Variants in ASTN1 observed in about 807,000 individuals in gnomAD.
The protein encoded by ASTN1 is astrotactin-1.
ASTN1 carries 41 observed loss-of-function variants against 140.7 expected under a neutral mutation model. That is an observed-to-expected ratio of 0.29 (90% CI 0.23 to 0.38). The LOEUF (loss-of-function observed/expected upper bound fraction) is 0.38, where lower values mean the gene tolerates loss of function less well. Ranked by LOEUF, ASTN1 falls within the 10% of genes least tolerant of loss-of-function variation. The probability of loss-of-function intolerance (pLI) is 1.00; values close to 1 mark genes in which losing one functional copy is unlikely to be tolerated. For missense variants in ASTN1, 1,479 were observed against 1,678.8 expected, an observed-to-expected ratio of 0.88 and a Z score of 2.08; for synonymous variants, 640 against 652.2, an observed-to-expected ratio of 0.98 and a Z score of 0.29.
At chr1:177,063,237 A>G (rs1454539905) in intron 1 of ASTN1, among the ~76,000 whole-genome samples, 1 of 152,308 alleles carries the variant, frequency 6.6e-6, no homozygotes, top group Admixed American at 6.5e-5. Flanking sequence ...CTACCATCCC[A>G]CAGATGAGGG....
chr1:177,030,083 G>A (rs1676349151), intron 4 of ASTN1, among the ~76,000 whole-genome samples: 2 of 152,156 alleles, frequency 1.3e-5, no homozygotes, highest in African/African-American at 4.8e-5. Context: ...GTTAATATGA[G>A]ACTATCTAAG....
chr1:177,086,912 C>T (rs1000210567), intron 1 of ASTN1, among the ~76,000 whole-genome samples: 1 of 152,146 alleles, frequency 6.6e-6, no homozygotes, highest in Admixed American at 6.5e-5. Context: ...AACTAATATG[C>T]ATACTTTGGG....
intron 1 of ASTN1, among the ~76,000 whole-genome samples, chr1:177,083,556 G>A (rs1294940705): frequency 6.6e-6 from 1 of 152,066 alleles, no homozygotes. Flanking sequence ...GCAGCAACTG[G>A]GGCTTTCCCT....
intron 9 of ASTN1, 62 bp downstream of exon 9, chr1:176,965,101 C>CG: frequency 1.3e-6 from 2 of 1,499,738 alleles, no homozygotes; most frequent in Non-Finnish European, 1.9e-6. Flanking sequence ...AAAGTCAGTT[C>CG]GGGGGAAGCG....
At chr1:176,986,271 G>A (rs1215598731) in intron 8 of ASTN1, among the ~76,000 whole-genome samples, 2 of 152,136 alleles carry the variant, frequency 1.3e-5, no homozygotes, top group African/African-American at 4.8e-5. Flanking sequence ...CTCCAGAGGT[G>A]GGAATAAGAA....
chr1:176,876,615 T>C lies in ASTN1; in HGVS notation c.3385A>G (p.Asn1129Asp). The change falls in exon 21 of 23, where the codon AAC (asparagine) becomes GAC (aspartate). Residue 1129 changes from asparagine (N) to aspartate (D), a missense_variant. Asn to Asp is a conservative substitution (Grantham distance 23). Transcript: ENST00000361833. The stretch of plus-strand genomic sequence containing the variant: ...CTTGGCCTGGAGCGCCGTCCTGTGT[T>C]GTCCACTCCCCACAGCGTGAACCTG... ...IYMFTLWGVD[N>D]TGRRSRPSDV... 6.2e-7 allele frequency: 1 copy of C among 1,614,120 alleles called. No individual in the cohort carries two copies. The highest frequency in any genetic ancestry group is 2.2e-5 in the East Asian group (1 of 44,858).
At chr1:177,036,144 AG>A (rs1258857986) in intron 2 of ASTN1, among the ~76,000 whole-genome samples, 1 of 139,160 alleles carries the variant, frequency 7.2e-6, no homozygotes, top group Non-Finnish European at 1.5e-5. Flanking sequence ...TCCACCTCCC[AG>A]GTTCAAGCAA....
chr1:177,124,339 C>T (rs907481300), intron 1 of ASTN1, among the ~76,000 whole-genome samples: 12 of 152,176 alleles, frequency 7.9e-5, no homozygotes, highest in African/African-American at 2.9e-4. Flanking sequence ...TGATAGAGTT[C>T]AGTAGCGCAT....
chr1:177,043,044 A>G (rs1677053123), intron 2 of ASTN1, among the ~76,000 whole-genome samples: 1 of 152,252 alleles, frequency 6.6e-6, no homozygotes, highest in African/African-American at 2.4e-5. Context: ...AAGGAGGGTC[A>G]CACTTGTCAG....
intron 16 of ASTN1, among the ~76,000 whole-genome samples, chr1:176,920,382 C>T (rs1670675734): frequency 1.3e-5 from 2 of 152,090 alleles, no homozygotes; most frequent in African/African-American, 4.8e-5. Context: ...GGGAGTGGTC[C>T]AGGCATCCCA....
chr1:176,926,893 G>T (rs865774430), intron 16 of ASTN1, among the ~76,000 whole-genome samples: 5 of 152,182 alleles, frequency 3.3e-5, no homozygotes, highest in Admixed American at 2.6e-4. Context: ...TAGGCTGTCC[G>T]CATTCACAGA....
chr1:177,023,615 G>A, intron 6 of ASTN1, 44 bp from the exon 7 acceptor site: 1 of 1,495,974 alleles, frequency 6.7e-7, no homozygotes, highest in Non-Finnish European at 8.9e-7. Context: ...GTGCAACACA[G>A]CACACGTCCA....
chr1:176,897,100 C>T (rs938567347), intron 16 of ASTN1, among the ~76,000 whole-genome samples: 8 of 152,000 alleles, frequency 5.3e-5, no homozygotes, highest in African/African-American at 1.9e-4. Flanking sequence ...CATGGTGAAA[C>T]CCCGTCTCTA....
rs189412290 is a variant in ASTN1 at position 177,055,797 on chromosome 1, T to C, written c.471+5281A>G. Among the ~76,000 whole-genome samples the C allele has an allele frequency of 3.1e-3, 465 of 152,300 alleles. 7 individuals are homozygous for C. Among genetic ancestry groups the C allele is most frequent in the African/African-American group, 9.8e-3 (407 of 41,564 alleles). On this transcript the variant is annotated intron_variant, in intron 2 of 22. Transcript: ENST00000361833. Reference sequence around the variant, plus strand: ...AGCATCCTAAGTTGAATGAAAAAAATACTACAAATTGACCATAAAGATGCA... The same window carrying C: ...AGCATCCTAAGTTGAATGAAAAAAACACTACAAATTGACCATAAAGATGCA...
intron 16 of ASTN1, among the ~76,000 whole-genome samples, chr1:176,916,974 T>G (rs764769674): frequency 3.3e-5 from 5 of 152,068 alleles, no homozygotes; most frequent in Non-Finnish European, 7.4e-5. Context: ...GGACAGCACT[T>G]TCTCACAACC....
At chr1:176,865,316 CT>C (rs1468760262) in intron 22 of ASTN1, among the ~76,000 whole-genome samples, 2 of 152,160 alleles carry the variant, frequency 1.3e-5, no homozygotes, top group African/African-American at 2.4e-5. Context: ...AGTGAACCCC[CT>C]GGGCCAGAGT....
chr1:176,953,033 A>C (rs1418337963), intron 11 of ASTN1, among the ~76,000 whole-genome samples: 1 of 152,228 alleles, frequency 6.6e-6, no homozygotes, highest in Non-Finnish European at 1.5e-5. Flanking sequence ...CACAAGGTTA[A>C]TCACCTTTCG....
intron 14 of ASTN1, among the ~76,000 whole-genome samples, chr1:176,937,835 C>T (rs1210382630): frequency 1.3e-5 from 2 of 152,048 alleles, no homozygotes; most frequent in Admixed American, 1.3e-4. Flanking sequence ...AATTATCCTG[C>T]CATTTCGACC....
intron 14 of ASTN1, among the ~76,000 whole-genome samples, chr1:176,938,183 TTTAAC>T (rs1466083665): frequency 6.6e-6 from 1 of 152,224 alleles, no homozygotes; most frequent in Non-Finnish European, 1.5e-5. Flanking sequence ...TACTTTGGCT[TTTAAC>T]TTCTACGTTA....
Sources: gnomAD v4.1 joint callset for allele counts (sites outside exome capture counted in the v4.1 genomes callset) on GRCh38, gnomAD v4.1.1 for gene constraint, MANE v1.5 for transcripts, NCBI Gene and HGNC (gene_info 2026-07-23, HGNC 2026-07-21) for gene names.